SLIT3: variants seen among roughly 807,000 people sequenced by gnomAD.
The protein encoded by SLIT3 is slit homolog 3 protein.
SLIT3 carries 68 observed loss-of-function variants against 184.0 expected under a neutral mutation model. The observed-to-expected ratio is 0.37, with a 90% CI of 0.30 to 0.45. The LOEUF (loss-of-function observed/expected upper bound fraction) is 0.45, where lower values mean the gene tolerates loss of function less well. SLIT3 is among the 20% of genes least tolerant of loss of function. The probability of loss-of-function intolerance (pLI) is 1.00; values close to 1 mark genes in which losing one functional copy is unlikely to be tolerated. For missense variants in SLIT3, 1,707 were observed against 2,026.0 expected (o/e 0.84, Z 3.02); for synonymous variants, 831 against 828.6 (o/e 1.00, Z -0.05).
At chr5:169,094,722 G>A (rs1759715282) in intron 4 of SLIT3, among the ~76,000 whole-genome samples, 1 of 152,346 alleles carries the variant, frequency 6.6e-6, no homozygotes, top group South Asian at 2.1e-4. Flanking sequence ...ACACACCAAG[G>A]TGTGAAGAAT....
chr5:168,692,748 GCCCT>G lies in SLIT3; in HGVS notation c.3083-52_3083-49del, dbSNP rs755758488. 5.1e-6 allele frequency: 7 copies of G among 1,379,870 alleles called. No homozygotes were observed. In the Admixed American group the frequency reaches 1.2e-4, roughly 23 times the overall value. The allele number at this position is 1,379,870 out of a possible 1,614,324, so 85.5% of individuals were successfully genotyped here. ...CTCAGGCCTCAGGCAGGGTAGGGATGCCCTGGCCAGAAGATCAGAGTACTAGGGG... is the reference window on the plus strand; with the variant it reads ...CTCAGGCCTCAGGCAGGGTAGGGATGGGCCAGAAGATCAGAGTACTAGGGG... On this transcript the variant is annotated intron_variant, in intron 28 of 35. Transcript: ENST00000519560.
At chr5:169,261,418 G>A (rs1368837997) in intron 1 of SLIT3, among the ~76,000 whole-genome samples, 3 of 152,136 alleles carry the variant, frequency 2.0e-5, no homozygotes, top group Non-Finnish European at 4.4e-5. Context: ...TGTTTCAAGA[G>A]AAACACAGAT....
intron 4 of SLIT3, among the ~76,000 whole-genome samples, chr5:168,941,224 G>A (rs929863159): frequency 3.9e-5 from 6 of 152,114 alleles, no homozygotes; most frequent in Admixed American, 3.3e-4. Flanking sequence ...TCTACCCAGC[G>A]TCCTATTGAA....
intron 4 of SLIT3, among the ~76,000 whole-genome samples, chr5:168,960,067 T>C (rs926416140): frequency 1.2e-4 from 19 of 152,326 alleles, no homozygotes; most frequent in Middle Eastern, 3.4e-3. Flanking sequence ...ACATGGCTGG[T>C]GGCTCCAGAG....
intron 4 of SLIT3, among the ~76,000 whole-genome samples, chr5:169,128,436 TTA>T (rs1761166087): frequency 6.6e-6 from 1 of 152,042 alleles, no homozygotes; most frequent in Non-Finnish European, 1.5e-5. Flanking sequence ...CTTTATTTAT[TTA>T]TCTTTTTTAA....
intron 4 of SLIT3, among the ~76,000 whole-genome samples, chr5:169,000,936 C>A (rs78458554): frequency 0.054 from 8,277 of 152,190 alleles, 269 homozygotes; most frequent in Middle Eastern, 0.085. Flanking sequence ...ATTTGAGTTG[C>A]GTCGGAAAGC....
intron 19 of SLIT3, among the ~76,000 whole-genome samples, chr5:168,748,719 G>A: frequency 6.6e-6 from 1 of 152,178 alleles, no homozygotes; most frequent in East Asian, 1.9e-4. Flanking sequence ...GATTGAAGGA[G>A]TGGTCAGGGG....
intron 4 of SLIT3, among the ~76,000 whole-genome samples, chr5:169,014,271 A>T (rs1189574646): frequency 6.6e-6 from 1 of 152,230 alleles, no homozygotes; most frequent in African/African-American, 2.4e-5. Flanking sequence ...TATACATTAT[A>T]CATGTATTCT....
chr5:169,218,682 C>T (rs1310364354), intron 3 of SLIT3, among the ~76,000 whole-genome samples: 1 of 152,216 alleles, frequency 6.6e-6, no homozygotes, highest in Non-Finnish European at 1.5e-5. Flanking sequence ...ACAGAGCTAA[C>T]TCACTGGGTA....
intron 15 of SLIT3, among the ~76,000 whole-genome samples, chr5:168,761,533 C>A (rs1259181856): frequency 6.6e-6 from 1 of 152,066 alleles, no homozygotes; most frequent in African/African-American, 2.4e-5. Flanking sequence ...CATCATCTTT[C>A]TTAGTCTCCC....
chr5:169,203,283 G>A (rs750707961), intron 3 of SLIT3, among the ~76,000 whole-genome samples: 2 of 151,756 alleles, frequency 1.3e-5, no homozygotes, highest in Non-Finnish European at 2.9e-5. Flanking sequence ...TAGTACACTA[G>A]GGCTCAGACT....
intron 12 of SLIT3, 143 bp from the exon 13 acceptor site, chr5:168,774,521 G>A: frequency 1.1e-6 from 1 of 887,530 alleles, no homozygotes; most frequent in South Asian, 1.7e-5. Context: ...CAGAAAAAGA[G>A]AGAGACCTGC....
At chr5:169,119,271 C>G (rs913024324) in intron 4 of SLIT3, among the ~76,000 whole-genome samples, 1 of 152,204 alleles carries the variant, frequency 6.6e-6, no homozygotes, top group South Asian at 2.1e-4. Context: ...CCCAAAGGAA[C>G]AATTCCCAGC....
At chr5:168,801,323 T>C (rs546422706) in intron 9 of SLIT3, among the ~76,000 whole-genome samples, 2 of 152,342 alleles carry the variant, frequency 1.3e-5, no homozygotes, top group East Asian at 3.9e-4. Context: ...TGTTTTTAAT[T>C]CTGTGTGTCT....
intron 9 of SLIT3, among the ~76,000 whole-genome samples, chr5:168,799,799 A>G (rs1343488682): frequency 6.6e-6 from 1 of 152,214 alleles, no homozygotes; most frequent in Non-Finnish European, 1.5e-5. Flanking sequence ...TTTCAACAGT[A>G]CTATGAACCA....
At chr5:168,975,378 T>C (rs1754715407) in intron 4 of SLIT3, among the ~76,000 whole-genome samples, 1 of 152,168 alleles carries the variant, frequency 6.6e-6, no homozygotes, top group African/African-American at 2.4e-5. Context: ...CAGTCTCACG[T>C]ATGCTGTCCT....
At chr5:169,131,297 T>C (rs1314335843) in intron 4 of SLIT3, among the ~76,000 whole-genome samples, 1 of 152,212 alleles carries the variant, frequency 6.6e-6, no homozygotes, top group African/African-American at 2.4e-5. Context: ...CCGAGCGCAG[T>C]ACCTGGAGCA....
In SLIT3 at chr5:168,785,786, C is replaced by G. The variant is rs1241815521; in HGVS notation, c.1151+121G>C. ...GGAGGTGAAGCGTGGACAGCTCAAA[C>G]ATTTTTTTCTCTTTTGTCTGCAGAA... On this transcript the variant is annotated intron_variant, in intron 12 of 35. Coordinates refer to ENST00000519560, the MANE Select transcript of SLIT3 (RefSeq NM_003062.4). The G allele has an allele frequency of 4.1e-6, 3 of 729,638 alleles. No homozygotes were observed. In the African/African-American group the frequency reaches 5.3e-5, roughly 13 times the overall value. The allele number at this position is 729,638 out of a possible 1,614,324, so 45.2% of individuals were successfully genotyped here. A position where few individuals can be genotyped will look rare whatever the true frequency, so the allele number is the denominator to read the frequency against.
chr5:168,861,144 A>G (rs1038525178), intron 5 of SLIT3, among the ~76,000 whole-genome samples: 1 of 152,316 alleles, frequency 6.6e-6, no homozygotes, highest in South Asian at 2.1e-4. Context: ...TCTAGGGTAC[A>G]TGTGCACAAC....
Sources: allele counts gnomAD v4.1 joint callset (sites outside exome capture counted in the v4.1 genomes callset), GRCh38; gene constraint gnomAD v4.1.1; transcripts MANE v1.5; gene names NCBI Gene and HGNC (gene_info 2026-07-23, HGNC 2026-07-21).